EYA1: variants seen among roughly 807,000 people sequenced by gnomAD.
EYA1 encodes protein phosphatase EYA1.
A neutral mutation model predicts 82.0 loss-of-function variants in EYA1; 16 were observed. The ratio of observed to expected loss-of-function variants is 0.20; its 90% CI spans 0.13 to 0.30. The LOEUF is 0.30. Ranked by LOEUF, EYA1 falls within the 10% of genes least tolerant of loss-of-function variation. The pLI, the probability that EYA1 is intolerant of heterozygous loss-of-function variation, is 1.00. For missense variants in EYA1, 633 were observed against 730.7 expected (o/e 0.87, Z 1.54); for synonymous variants, 261 against 264.4 (o/e 0.99, Z 0.12).
At chr8:71,309,121 T>C (rs1449259960) in intron 7 of EYA1, among the ~76,000 whole-genome samples, 5 of 152,242 alleles carry the variant, frequency 3.3e-5, no homozygotes, top group African/African-American at 1.2e-4. Flanking sequence ...TAATAGTTTT[T>C]ATTTCCAAAG....
intron 11 of EYA1, among the ~76,000 whole-genome samples, chr8:71,245,508 G>A (rs533852007): frequency 1.7e-4 from 26 of 151,694 alleles, no homozygotes; most frequent in African/African-American, 6.3e-4. Context: ...TTACAGGCAT[G>A]AGCCACTGCG....
In EYA1 at chr8:71,205,379, C is replaced by A. The variant is rs554758577; in HGVS notation, c.1698+5777G>T. ...TCATACCTAGGTCTAATCATTTTCTCTCAAGCCATGTTGCATTAGGGAAAC... is the reference window on the plus strand; with the variant it reads ...TCATACCTAGGTCTAATCATTTTCTATCAAGCCATGTTGCATTAGGGAAAC... On this transcript the variant is annotated intron_variant, in intron 17 of 17. Transcript: ENST00000340726. 1.1e-4 allele frequency among the ~76,000 whole-genome samples: 16 copies of A among 151,862 alleles called. No individual in the cohort carries two copies. In the South Asian group the frequency reaches 3.3e-3, roughly 32 times the overall value.
At chr8:71,455,570 G>A (rs1453696858) in intron 2 of EYA1, among the ~76,000 whole-genome samples, 3 of 152,132 alleles carry the variant, frequency 2.0e-5, no homozygotes, top group African/African-American at 7.2e-5. Context: ...ATGATCAAGT[G>A]GGCTTCATCC....
At chr8:71,319,357 C>A (rs934927676) in intron 6 of EYA1, among the ~76,000 whole-genome samples, 1 of 152,114 alleles carries the variant, frequency 6.6e-6, no homozygotes, top group African/African-American at 2.4e-5. Context: ...GTCTAGATCT[C>A]CTGACCTCAT....
At chr8:71,224,264 T>C (rs1810301034) in intron 12 of EYA1, among the ~76,000 whole-genome samples, 1 of 152,214 alleles carries the variant, frequency 6.6e-6, no homozygotes, top group Admixed American at 6.5e-5. Context: ...TGTTCCAAAT[T>C]TACCATGAGA....
Position 71,284,208 on chromosome 8 carries a change from C to T in EYA1, c.827-12311G>A, listed in dbSNP as rs563297350. Among the ~76,000 whole-genome samples the T allele has an allele frequency of 2.5e-3, 382 of 152,336 alleles. 1 individual carries two copies. The highest frequency in any genetic ancestry group is 4.6e-3 in the Non-Finnish European group (314 of 68,024). ...GTTTGGGCCTAAAGGAGAGGGGCTG[C>T]CCACAACCAGAGCTTGGCTGCTTGG... On this transcript the variant is annotated intron_variant, in intron 9 of 17. Transcript: ENST00000340726.
intron 2 of EYA1, among the ~76,000 whole-genome samples, chr8:71,406,483 G>C (rs529903405): frequency 5.9e-5 from 9 of 152,208 alleles, no homozygotes; most frequent in Non-Finnish European, 1.0e-4. Context: ...TCACTAGGGA[G>C]TGCCAGACAG....
intron 4 of EYA1, among the ~76,000 whole-genome samples, chr8:71,325,734 T>C (rs924030974): frequency 1.3e-5 from 2 of 152,226 alleles, no homozygotes; most frequent in South Asian, 2.1e-4. Flanking sequence ...CCTAGTTAGG[T>C]GTGCTTAAAA....
At chr8:71,349,683 TG>T (rs1295400491) in intron 3 of EYA1, among the ~76,000 whole-genome samples, 1 of 152,244 alleles carries the variant, frequency 6.6e-6, no homozygotes, top group Non-Finnish European at 1.5e-5. Context: ...GAAAGTCTGA[TG>T]TAAGTCCCCA....
intron 12 of EYA1, among the ~76,000 whole-genome samples, 157 bp downstream of exon 12, chr8:71,244,446 T>C (rs1393765047): frequency 6.6e-6 from 1 of 152,096 alleles, no homozygotes; most frequent in Non-Finnish European, 1.5e-5. Flanking sequence ...TAAAGCAAAA[T>C]AGAAATCCCA....
At position 71,380,158 on chromosome 8, in the gene EYA1, C is replaced by T. The variant is rs576775813; in HGVS notation, c.34-23647G>A. Among the ~76,000 whole-genome samples the T allele has an allele frequency of 2.0e-5, 3 of 152,288 alleles. No homozygotes were observed. The East Asian group carries it at 5.8e-4, about 29-fold the overall frequency. ...TTCAATAGCCTCTTTTTTCTGTCCCCTTTCCTCTTGATGTTAAATGTCACT... is the reference window on the plus strand; with the variant it reads ...TTCAATAGCCTCTTTTTTCTGTCCCTTTTCCTCTTGATGTTAAATGTCACT... On this transcript the variant is annotated intron_variant, in intron 2 of 18. Coordinates refer to the EYA1 transcript ENST00000643681.
At chr8:71,369,243 G>A (rs901878769) in intron 2 of EYA1, among the ~76,000 whole-genome samples, 1 of 151,342 alleles carries the variant, frequency 6.6e-6, no homozygotes, top group African/African-American at 2.4e-5. Context: ...GCAGTATATG[G>A]CAACACTGAT....
rs746932579 is a variant in EYA1 at position 71,299,157 on chromosome 8, T to C, written c.716A>G (p.Tyr239Cys). The change falls in exon 9 of 18, where the codon TAT (tyrosine) becomes TGT (cysteine). Residue 239 changes from tyrosine (Y) to cysteine (C), a missense_variant. Transcript: ENST00000340726. ...YYNSSPYPAH[Y>C]MTSSNTSPTT... ...TGGGCTGGTGTTGCTGCTGGTCATA[T>C]AATGTGCTGGATACGGTGAGCTGTT... 1.9e-6 allele frequency: 3 copies of C among 1,614,180 alleles called. No individual in the cohort carries two copies. The highest frequency in any genetic ancestry group is 2.2e-5 in the South Asian group (2 of 91,092).
At chr8:71,325,503 C>T (rs184504915) in intron 4 of EYA1, among the ~76,000 whole-genome samples, 57 of 152,292 alleles carry the variant, frequency 3.7e-4, no homozygotes, top group Admixed American at 1.0e-3. Flanking sequence ...TAGAGGGAAT[C>T]AACACACACT....
intron 2 of EYA1, among the ~76,000 whole-genome samples, chr8:71,367,543 C>T (rs1438048717): frequency 8.1e-6 from 1 of 123,936 alleles, no homozygotes; most frequent in Non-Finnish European, 1.7e-5. Flanking sequence ...CCTCCAGTCT[C>T]CCAAATCGGA....
intron 9 of EYA1, among the ~76,000 whole-genome samples, chr8:71,291,737 C>G (rs973127250): frequency 1.3e-5 from 2 of 152,240 alleles, no homozygotes; most frequent in Admixed American, 1.3e-4. Flanking sequence ...TCTTGATTAA[C>G]TTAATGATAC....
chr8:71,444,843 AT>A (rs1362586132), intron 2 of EYA1, among the ~76,000 whole-genome samples: 2 of 152,246 alleles, frequency 1.3e-5, no homozygotes, highest in Admixed American at 1.3e-4. Flanking sequence ...TATTAAAACT[AT>A]CTTTAGAAAA....
At chr8:71,326,858 C>CA (rs1345443161) in intron 4 of EYA1, among the ~76,000 whole-genome samples, 1 of 152,160 alleles carries the variant, frequency 6.6e-6, no homozygotes, top group Non-Finnish European at 1.5e-5. Flanking sequence ...CCCCATAAAG[C>CA]ACCTTCCATG....
intron 2 of EYA1, among the ~76,000 whole-genome samples, chr8:71,511,702 C>T (rs1223720874): frequency 3.3e-5 from 5 of 152,184 alleles, no homozygotes; most frequent in African/African-American, 7.2e-5. Context: ...GTAAGCTCCA[C>T]GCCTTATGCT....
Sources: gnomAD v4.1 joint callset for allele counts (sites outside exome capture counted in the v4.1 genomes callset) on GRCh38, gnomAD v4.1.1 for gene constraint, MANE v1.5 for transcripts, NCBI Gene and HGNC (gene_info 2026-07-23, HGNC 2026-07-21) for gene names.